The following SGIP1 variants were observed in gnomAD, a reference collection of about 807,000 sequenced individuals.
The protein encoded by SGIP1 is SH3-containing GRB2-like protein 3-interacting protein 1.
In SGIP1, 38 loss-of-function variants were observed where a neutral mutation model predicts 107.5. The ratio of observed to expected loss-of-function variants is 0.35; its 90% CI spans 0.27 to 0.46. The LOEUF is 0.46. Among genes scored for constraint, SGIP1 ranks in the 20% least tolerant of loss-of-function variants. The pLI, the probability that SGIP1 is intolerant of heterozygous loss-of-function variation, is 1.00. For synonymous variants in SGIP1, 365 were observed against 366.1 expected, an observed-to-expected ratio of 1.00 and a Z score of 0.03; for missense variants, 929 against 1,019.5, an observed-to-expected ratio of 0.91 and a Z score of 1.21.
intron 15 of SGIP1, among the ~76,000 whole-genome samples, chr1:66,686,581 G>A (rs934366718): frequency 2.7e-5 from 4 of 147,480 alleles, no homozygotes; most frequent in African/African-American, 8.1e-5. Context: ...ATAATTTCAC[G>A]AAAGTATGTG....
At chr1:66,706,689 G>T (rs975865449) in intron 18 of SGIP1, among the ~76,000 whole-genome samples, 2 of 151,606 alleles carry the variant, frequency 1.3e-5, no homozygotes, top group African/African-American at 4.8e-5. Flanking sequence ...AAACAGAAAG[G>T]TATTTTTAAA....
In SGIP1 at chr1:66,695,444, G is replaced by C; in HGVS notation, c.1581G>C (p.Gln527His). 6.2e-7 allele frequency: 1 copy of C among 1,613,914 alleles called. No individual in the cohort carries two copies. Among genetic ancestry groups the C allele is most frequent in the Non-Finnish European group, 8.5e-7 (1 of 1,179,974 alleles). The change falls in exon 18 of 25, where the codon CAG (glutamine) becomes CAC (histidine). Residue 527 changes from glutamine (Q) to histidine (H), a missense_variant. By Grantham distance (24) the Gln-to-His change is conservative. Around this residue, in one of 2 missense-constraint regions of SGIP1, gnomAD observed 341 missense variants for 430.9 expected, o/e 0.79. Coordinates refer to ENST00000371037, the MANE Select transcript of SGIP1 (RefSeq NM_032291.4). ...CTCCTGGCCATACAGAGAATGAACAGCCTTCCCTCGTTTGGTTTGACAGAG... is the reference window on the plus strand; with the variant it reads ...CTCCTGGCCATACAGAGAATGAACACCCTTCCCTCGTTTGGTTTGACAGAG... ...AATTPTVENEQPSLVWFDRGK... is the reference protein window; with the variant it reads ...AATTPTVENEHPSLVWFDRGK...
At chr1:66,694,363 G>A in intron 17 of SGIP1, 1 of 1,277,674 alleles carries the variant, frequency 7.8e-7, no homozygotes, top group South Asian at 1.3e-5. Context: ...AATCAGTAAA[G>A]TGGGCTTCTT....
At chr1:66,590,213 G>A (rs2063397813) in intron 1 of SGIP1, among the ~76,000 whole-genome samples, 2 of 152,004 alleles carry the variant, frequency 1.3e-5, no homozygotes, top group South Asian at 4.1e-4. Flanking sequence ...ATTTTTAGTG[G>A]GACAAGCAAA....
chr1:66,711,490 T>C (rs2092915564), intron 18 of SGIP1, among the ~76,000 whole-genome samples: 1 of 152,222 alleles, frequency 6.6e-6, no homozygotes, highest in African/African-American at 2.4e-5. Context: ...GAATTGGGTC[T>C]CATTTATCTT....
At chr1:66,578,481 G>C (rs185916281) in intron 1 of SGIP1, among the ~76,000 whole-genome samples, 68 of 152,174 alleles carry the variant, frequency 4.5e-4, no homozygotes, top group African/African-American at 1.6e-3. Flanking sequence ...TTTCATAAAG[G>C]GAAATTTCAC....
rs768444200 is a variant in SGIP1, at chr1:66,642,807, T to C, written c.229-3T>C. On this transcript the variant is annotated splice_region_variant and splice_polypyrimidine_tract_variant and intron_variant, in intron 5 of 24. Transcript: ENST00000371037. The stretch of plus-strand genomic sequence containing the variant: ...TTACTTCATGTGCACTTGTGTTTTA[T>C]AGAACTCACCTGAGCTGGATGAAGA... 3 of 1,609,316 alleles carry C rather than the reference T, an allele frequency of 1.9e-6. No homozygotes were observed. In the South Asian group the frequency reaches 3.3e-5, roughly 18 times the overall value.
intron 1 of SGIP1, among the ~76,000 whole-genome samples, chr1:66,616,761 G>C (rs556465864): frequency 6.6e-6 from 1 of 152,138 alleles, no homozygotes; most frequent in Non-Finnish European, 1.5e-5. Context: ...CCTATTTCAT[G>C]ACCATCTTCT....
chr1:66,635,824 G>A, intron 3 of SGIP1, 120 bp from the exon 4 acceptor site: 2 of 975,840 alleles, frequency 2.0e-6, no homozygotes, highest in South Asian at 1.5e-5. Context: ...CGTATGATTT[G>A]GCCTAGAGAT....
intron 17 of SGIP1, 146 bp from the exon 18 acceptor site, chr1:66,695,288 T>TCGGTGG: frequency 7.3e-7 from 1 of 1,375,242 alleles, no homozygotes; most frequent in South Asian, 1.8e-5. Context: ...ATTGCCAGCC[T>TCGGTGG]TCCCTTTTTC....
intron 18 of SGIP1, among the ~76,000 whole-genome samples, chr1:66,706,068 T>G (rs925924930): frequency 1.3e-5 from 2 of 151,910 alleles, no homozygotes; most frequent in Admixed American, 1.3e-4. Flanking sequence ...AACAAAATGT[T>G]TCTGAATTCC....
chr1:66,585,459 G>C lies in SGIP1; in HGVS notation c.11-40388G>C, dbSNP rs2062456088. Reference sequence around the variant, plus strand: ...GAATAGGTCTAGGATATCAAGTTATGCTAACTTTGGATCTGCAGATTTTAA... The same window carrying C: ...GAATAGGTCTAGGATATCAAGTTATCCTAACTTTGGATCTGCAGATTTTAA... On this transcript the variant is annotated intron_variant, in intron 1 of 24. Coordinates refer to ENST00000371037, the MANE Select transcript of SGIP1 (RefSeq NM_032291.4). Among the ~76,000 whole-genome samples the C allele has an allele frequency of 3.3e-5, 5 of 152,092 alleles. No homozygotes were observed. The South Asian group carries it at 1.0e-3, about 31-fold the overall frequency.
At chr1:66,717,699 A>G (rs2093322179) in intron 18 of SGIP1, among the ~76,000 whole-genome samples, 2 of 152,136 alleles carry the variant, frequency 1.3e-5, no homozygotes, top group Non-Finnish European at 2.9e-5. Flanking sequence ...TGCCAATCTT[A>G]AACTTTATGC....
chr1:66,639,722 C>T (rs1176176237), intron 4 of SGIP1, 55 bp from the exon 5 acceptor site: 5 of 1,377,156 alleles, frequency 3.6e-6, no homozygotes, highest in Middle Eastern at 1.8e-4. Context: ...GTTCTTTGTC[C>T]CTTTGTTTTT....
At chr1:66,591,563 G>C (rs1490688083) in intron 1 of SGIP1, among the ~76,000 whole-genome samples, 2 of 152,148 alleles carry the variant, frequency 1.3e-5, no homozygotes, top group Non-Finnish European at 2.9e-5. Context: ...TCCCCCATTA[G>C]AGTGTGAAGG....
At chr1:66,709,211 T>C (rs772617694) in intron 18 of SGIP1, among the ~76,000 whole-genome samples, 4 of 137,506 alleles carry the variant, frequency 2.9e-5, no homozygotes, top group African/African-American at 1.1e-4. Flanking sequence ...CCCCAGTGTG[T>C]GATGTTCCCC....
intron 1 of SGIP1, among the ~76,000 whole-genome samples, chr1:66,613,902 G>T (rs867835125): frequency 6.6e-5 from 10 of 152,146 alleles, no homozygotes; most frequent in Non-Finnish European, 1.0e-4. Context: ...TGCTCAACAG[G>T]TTCCTTTTCT....
intron 22 of SGIP1, 104 bp downstream of exon 22, chr1:66,739,641 G>C: frequency 1.7e-6 from 2 of 1,180,634 alleles, no homozygotes; most frequent in Non-Finnish European, 2.4e-6. Context: ...CAGCAGGCCT[G>C]TGCATTAGGG....
chr1:66,742,989 A>T, intron 24 of SGIP1, 84 bp from the exon 25 acceptor site: 2 of 1,389,186 alleles, frequency 1.4e-6, no homozygotes, highest in Non-Finnish European at 2.0e-6. Context: ...AGGGGTAGGG[A>T]AGGAGGAATA....
Sources: allele counts gnomAD v4.1 joint callset (sites outside exome capture counted in the v4.1 genomes callset), GRCh38; gene constraint gnomAD v4.1.1; regional missense constraint gnomAD v4.1.1; transcripts MANE v1.5; gene names NCBI Gene and HGNC (gene_info 2026-07-23, HGNC 2026-07-21).